RANBP17: variants seen among roughly 807,000 people sequenced by gnomAD.
RANBP17 encodes the protein RAN binding protein 17.
RANBP17 carries 158 observed loss-of-function variants against 141.2 expected under a neutral mutation model. The ratio of observed to expected loss-of-function variants is 1.12; its 90% CI spans 0.98 to 1.28. RANBP17 has a LOEUF of 1.28. Ranked by LOEUF, RANBP17 falls within the 50% of genes most tolerant of loss-of-function variation. The probability of loss-of-function intolerance (pLI) is 0.00; values close to 1 mark genes in which losing one functional copy is unlikely to be tolerated. For synonymous variants in RANBP17, 430 were observed against 450.0 expected, an observed-to-expected ratio of 0.96 and a Z score of 0.56; for missense variants, 1,438 against 1,290.7, an observed-to-expected ratio of 1.11 and a Z score of -1.75.
At chr5:171,116,679 A>G (rs1022970952) in intron 14 of RANBP17, among the ~76,000 whole-genome samples, 6 of 152,202 alleles carry the variant, frequency 3.9e-5, no homozygotes, top group African/African-American at 9.7e-5. Flanking sequence ...GGTAATATAC[A>G]ATATCTTCTA....
chr5:171,004,191 G>A (rs1779420413), intron 14 of RANBP17, among the ~76,000 whole-genome samples: 1 of 152,092 alleles, frequency 6.6e-6, no homozygotes. Flanking sequence ...TAATGGGCGT[G>A]TGATCGGTTG....
At chr5:171,281,029 T>G (rs1381663812) in intron 25 of RANBP17, among the ~76,000 whole-genome samples, 1 of 152,150 alleles carries the variant, frequency 6.6e-6, no homozygotes, top group Non-Finnish European at 1.5e-5. Context: ...CCAAGGGAAT[T>G]CTATAGCTTA....
chr5:171,014,577 T>TC (rs1343917285), intron 14 of RANBP17, among the ~76,000 whole-genome samples: 1 of 151,996 alleles, frequency 6.6e-6, no homozygotes, highest in African/African-American at 2.4e-5. Context: ...GCAGAGTACT[T>TC]CCATTTCCTC....
At chr5:171,209,574 G>T (rs1285963733) in intron 20 of RANBP17, among the ~76,000 whole-genome samples, 1 of 152,124 alleles carries the variant, frequency 6.6e-6, no homozygotes, top group Non-Finnish European at 1.5e-5. Flanking sequence ...CCACTCTCTA[G>T]TTGATCACAC....
chr5:171,253,204 C>T (rs1225525585), intron 24 of RANBP17, among the ~76,000 whole-genome samples: 2 of 152,150 alleles, frequency 1.3e-5, no homozygotes, highest in Admixed American at 1.3e-4. Flanking sequence ...CTGTACAGTT[C>T]CATTCAACAA....
chr5:170,918,139 T>C (rs1377172568), intron 9 of RANBP17: 1 of 152,140 alleles, frequency 6.6e-6, no homozygotes, highest in Non-Finnish European at 1.5e-5. Context: ...TTGTTTTTGC[T>C]CAACTTTAGT....
intron 11 of RANBP17, among the ~76,000 whole-genome samples, chr5:170,921,412 A>T (rs952668060): frequency 4.6e-5 from 7 of 151,850 alleles, no homozygotes; most frequent in Non-Finnish European, 8.8e-5. Context: ...GATGTGTGTT[A>T]TTTCTGAGGC....
chr5:171,030,036 T>C (rs1781461802), intron 14 of RANBP17, among the ~76,000 whole-genome samples: 1 of 152,096 alleles, frequency 6.6e-6, no homozygotes, highest in African/African-American at 2.4e-5. Flanking sequence ...TCCTATTGGC[T>C]AATTTTCCAA....
chr5:171,120,246 C>T (rs1755934845), intron 14 of RANBP17, among the ~76,000 whole-genome samples: 1 of 152,178 alleles, frequency 6.6e-6, no homozygotes, highest in African/African-American at 2.4e-5. Flanking sequence ...ACCACTGGAA[C>T]TGCTCTGGGT....
At chr5:171,133,645 C>T (rs1452073587) in intron 14 of RANBP17, among the ~76,000 whole-genome samples, 1 of 152,062 alleles carries the variant, frequency 6.6e-6, no homozygotes, top group African/African-American at 2.4e-5. Context: ...ATTGCTAAAC[C>T]CATGTGGGCA....
chr5:171,117,682 T>TG (rs1315202384), intron 14 of RANBP17, among the ~76,000 whole-genome samples: 2 of 151,964 alleles, frequency 1.3e-5, no homozygotes, highest in African/African-American at 4.8e-5. Flanking sequence ...TTAGTAGAGA[T>TG]GGGGTTTCAC....
rs530895436 is a variant in RANBP17, at chr5:171,257,880, C to T, written c.2777-7801C>T. On this transcript the variant is annotated intron_variant, in intron 24 of 27. Transcript: ENST00000523189. Reference sequence around the variant, plus strand: ...CAGCATTTTGGGAGGCTGAGGTGGGCGGATCACCTGAGGTCGGGAGTTCAA... The same window carrying T: ...CAGCATTTTGGGAGGCTGAGGTGGGTGGATCACCTGAGGTCGGGAGTTCAA... 5.9e-5 allele frequency among the ~76,000 whole-genome samples: 9 copies of T among 151,896 alleles called. No individual in the cohort carries two copies. The East Asian group carries it at 7.8e-4, about 13-fold the overall frequency.
chr5:170,928,020 C>T (rs558599025), intron 12 of RANBP17, among the ~76,000 whole-genome samples: 3 of 152,056 alleles, frequency 2.0e-5, no homozygotes, highest in African/African-American at 7.2e-5. Flanking sequence ...TACTCTGCAT[C>T]CCTGCCATCA....
chr5:170,909,205 A>G (rs1377440094), intron 5 of RANBP17, among the ~76,000 whole-genome samples: 1 of 151,896 alleles, frequency 6.6e-6, no homozygotes, highest in Non-Finnish European at 1.5e-5. Context: ...TTTTCGTAGT[A>G]TCAAAGATAT....
In RANBP17 at chr5:170,904,052, T is replaced by C. The variant is rs1770878985; in HGVS notation, c.490-5609T>C. 4.3e-6 allele frequency: 2 copies of C among 467,536 alleles called. 1 individual carries two copies. The highest frequency in any genetic ancestry group is 8.4e-6 in the Non-Finnish European group (2 of 237,514). 29.0% of individuals were successfully genotyped at this position (467,536 alleles called of 1,614,324 possible). ...ATCACCAGCTGCTTCAGGCAGACCC[T>C]AAACATAGTCTTTACCTCACCTGTG... On this transcript the variant is annotated intron_variant, in intron 5 of 27. Transcript: ENST00000523189.
At chr5:171,022,101 C>T (rs922651083) in intron 14 of RANBP17, among the ~76,000 whole-genome samples, 3 of 152,122 alleles carry the variant, frequency 2.0e-5, no homozygotes, top group Non-Finnish European at 4.4e-5. Context: ...AGGCCCTCTT[C>T]ATCCGGTTCA....
At chr5:171,097,053 T>G (rs937333740) in intron 14 of RANBP17, among the ~76,000 whole-genome samples, 1 of 151,900 alleles carries the variant, frequency 6.6e-6, no homozygotes, top group Non-Finnish European at 1.5e-5. Flanking sequence ...AAGATTTTAT[T>G]TCTTCTTCAA....
chr5:170,923,863 TTACCTATTAGTTTGAG>T, intron 11 of RANBP17, among the ~76,000 whole-genome samples: 1 of 152,334 alleles, frequency 6.6e-6, no homozygotes, highest in Middle Eastern at 3.4e-3. Context: ...TTAGTTAAAC[TTACCTATTAGTTTGAG>T]TAGCATTTTT....
At chr5:171,255,782 G>GT (rs2128008769) in intron 24 of RANBP17, among the ~76,000 whole-genome samples, 2 of 152,270 alleles carry the variant, frequency 1.3e-5, no homozygotes, top group South Asian at 4.1e-4. Context: ...TGTGGGGCTG[G>GT]TTTAAGTTGT....
Sources: allele counts gnomAD v4.1 joint callset (sites outside exome capture counted in the v4.1 genomes callset), GRCh38; gene constraint gnomAD v4.1.1; transcripts MANE v1.5; gene names NCBI Gene and HGNC (gene_info 2026-07-23, HGNC 2026-07-21).